Variants in DCDC1 observed in about 807,000 individuals in gnomAD.
DCDC1 encodes doublecortin domain-containing protein 1.
In DCDC1, 200 loss-of-function variants were observed where a neutral mutation model predicts 178.3. The observed-to-expected ratio is 1.12, with a 90% confidence interval of 1.00 to 1.26. DCDC1 has a LOEUF of 1.26. Ranked by LOEUF, DCDC1 falls within the 50% of genes most tolerant of loss-of-function variation. The pLI is 0.00. For synonymous variants in DCDC1, 690 were observed against 604.8 expected, an observed-to-expected ratio of 1.14 and a Z score of -2.07; for missense variants, 1,983 against 1,749.2, an observed-to-expected ratio of 1.13 and a Z score of -2.38.
At chr11:31,198,544 T>C (rs1591377637) in intron 9 of DCDC1, among the ~76,000 whole-genome samples, 1 of 152,056 alleles carries the variant, frequency 6.6e-6, no homozygotes, top group Admixed American at 6.6e-5. Context: ...GAGCTAAACC[T>C]CTGCCACTAA....
intron 7 of DCDC1, among the ~76,000 whole-genome samples, chr11:31,283,971 C>T (rs1438968467): frequency 1.3e-5 from 2 of 148,468 alleles, no homozygotes; most frequent in African/African-American, 2.5e-5. Flanking sequence ...TCTTTCCCTC[C>T]CTCTCTCTCT....
At chr11:30,904,777 T>C (rs1237374784) in intron 31 of DCDC1, 184 bp downstream of exon 31, 1 of 681,028 alleles carries the variant, frequency 1.5e-6, no homozygotes, top group East Asian at 2.7e-5. Flanking sequence ...TCTAAGTCTG[T>C]ATCCACTGAC....
intron 7 of DCDC1, among the ~76,000 whole-genome samples, chr11:31,283,464 C>A (rs1946595750): frequency 6.6e-6 from 1 of 151,724 alleles, no homozygotes; most frequent in African/African-American, 2.4e-5. Flanking sequence ...GTTCTCTTCG[C>A]ATTATATTCA....
At chr11:31,202,313 A>G (rs776448722) in intron 9 of DCDC1, among the ~76,000 whole-genome samples, 2 of 152,140 alleles carry the variant, frequency 1.3e-5, no homozygotes, top group Non-Finnish European at 2.9e-5. Flanking sequence ...CTGTAATCCC[A>G]ACACTTTGGG....
At chr11:31,305,483 C>T in intron 6 of DCDC1, 132 bp downstream of exon 6, 1 of 1,181,442 alleles carries the variant, frequency 8.5e-7, no homozygotes, top group East Asian at 2.5e-5. Flanking sequence ...TATCCTCTTA[C>T]TGAGCTGTAA....
chr11:31,083,727 T>C (rs1248273560), intron 17 of DCDC1, among the ~76,000 whole-genome samples: 2 of 152,234 alleles, frequency 1.3e-5, no homozygotes, highest in Non-Finnish European at 2.9e-5. Context: ...TCAAAAATTG[T>C]AATAACATGC....
chr11:30,962,055 T>C (rs983821249), intron 20 of DCDC1, among the ~76,000 whole-genome samples: 3 of 152,208 alleles, frequency 2.0e-5, no homozygotes, highest in Middle Eastern at 3.4e-3. Context: ...AGCCCATTTT[T>C]ATTTTGCAAC....
Position 31,231,154 on chromosome 11 carries a change from T to C in DCDC1, c.1221+10296A>G, listed in dbSNP as rs1349252484. Among the ~76,000 whole-genome samples, 3 of 152,070 alleles carry C rather than the reference T, an allele frequency of 2.0e-5. No homozygotes were observed. In the East Asian group the frequency reaches 5.8e-4, roughly 29 times the overall value. On this transcript the variant is annotated intron_variant, in intron 9 of 38. Transcript: ENST00000684477. The stretch of plus-strand genomic sequence containing the variant: ...AAATTTTTTATTTTTGTAGAGATGG[T>C]GTCTCCCTATGTTGCCCAGGATGGT...
At chr11:31,109,217 C>G (rs1254791136) in intron 12 of DCDC1, among the ~76,000 whole-genome samples, 1 of 151,272 alleles carries the variant, frequency 6.6e-6, no homozygotes, top group Non-Finnish European at 1.5e-5. Context: ...ATCCCAGGCT[C>G]AAGTGATCCC....
intron 21 of DCDC1, among the ~76,000 whole-genome samples, chr11:30,937,865 C>T (rs1277745857): frequency 3.3e-5 from 5 of 152,108 alleles, no homozygotes; most frequent in African/African-American, 1.2e-4. Context: ...ATCCATTTAC[C>T]CTTCCATAAC....
At chr11:31,202,441 T>C (rs1971403473) in intron 9 of DCDC1, among the ~76,000 whole-genome samples, 1 of 151,570 alleles carries the variant, frequency 6.6e-6, no homozygotes, top group Non-Finnish European at 1.5e-5. Context: ...TGTGGTGGCA[T>C]TTGCTTGTGG....
In DCDC1 at chr11:31,300,446, C is replaced by T. The variant is rs76272086; in HGVS notation, c.754+5169G>A. On this transcript the variant is annotated intron_variant, in intron 6 of 38. Transcript: ENST00000684477. ...GACACTTAATTTTCAAATGATTTAT[C>T]TTTATTAGAAATATCCAATAGGCAT... 2.4e-4 allele frequency among the ~76,000 whole-genome samples: 37 copies of T among 152,192 alleles called. 1 individual carries two copies. The East Asian group carries it at 6.8e-3, about 28-fold the overall frequency.
intron 9 of DCDC1, among the ~76,000 whole-genome samples, chr11:31,220,764 C>T (rs1410987898): frequency 1.3e-5 from 2 of 152,182 alleles, no homozygotes; most frequent in Non-Finnish European, 2.9e-5. Context: ...ATTCCATCGA[C>T]TGGATAGCTT....
chr11:31,135,944 T>C (rs1049435093), intron 10 of DCDC1, among the ~76,000 whole-genome samples: 2 of 152,092 alleles, frequency 1.3e-5, no homozygotes, highest in Admixed American at 1.3e-4. Flanking sequence ...CCACTTCAAG[T>C]TTTTAGTCAT....
intron 20 of DCDC1, among the ~76,000 whole-genome samples, chr11:31,004,599 C>G (rs1050063200): frequency 1.3e-5 from 2 of 148,860 alleles, no homozygotes; most frequent in African/African-American, 5.0e-5. Flanking sequence ...AGGAGAATGG[C>G]ATATCCCGGG....
chr11:31,261,863 T>C (rs1370100170), intron 8 of DCDC1, among the ~76,000 whole-genome samples: 1 of 152,092 alleles, frequency 6.6e-6, no homozygotes, highest in East Asian at 1.9e-4. Flanking sequence ...AACTTTTTCA[T>C]ACGTAACAAT....
intron 9 of DCDC1, among the ~76,000 whole-genome samples, chr11:31,222,229 A>G (rs1166448395): frequency 1.3e-5 from 2 of 151,790 alleles, no homozygotes; most frequent in African/African-American, 2.4e-5. Context: ...GGTCCAGCTA[A>G]TTTTTTGTAT....
rs560404584 is a variant in DCDC1, at chr11:30,920,288, CTA to C, written c.3293+486_3293+487del. Among the ~76,000 whole-genome samples the C allele has an allele frequency of 6.0e-3, 909 of 152,260 alleles. 9 individuals are homozygous for C. Among genetic ancestry groups the C allele is most frequent in the African/African-American group, 0.019 (776 of 41,568 alleles). On this transcript the variant is annotated intron_variant, in intron 25 of 38. Coordinates refer to ENST00000684477, the MANE Select transcript of DCDC1 (RefSeq NM_001387274.1). ...GTCTGCAATAGGTACCCTTAAAAAA[CTA>C]TGTGAAAAGGATTGTACATTAGAAA...
chr11:31,196,849 T>A (rs923322547), intron 9 of DCDC1, among the ~76,000 whole-genome samples: 1 of 152,104 alleles, frequency 6.6e-6, no homozygotes, highest in East Asian at 1.9e-4. Context: ...AATCTTCTAG[T>A]AATGCCTTGG....
Sources: gnomAD v4.1 joint callset for allele counts (sites outside exome capture counted in the v4.1 genomes callset) on GRCh38, gnomAD v4.1.1 for gene constraint, MANE v1.5 for transcripts, NCBI Gene and HGNC (gene_info 2026-07-23, HGNC 2026-07-21) for gene names.